The following ARL15 variants were observed in gnomAD, a reference collection of about 807,000 sequenced individuals.
The protein encoded by ARL15 is ADP-ribosylation factor-like protein 15.
In ARL15, 19 loss-of-function variants were observed where a neutral mutation model predicts 25.2. The ratio of observed to expected loss-of-function variants is 0.75; its 90% CI spans 0.53 to 1.10. ARL15 has a LOEUF of 1.10. Among genes scored for constraint, ARL15 ranks in the 50% least tolerant of loss-of-function variants. The pLI is 0.00. For missense variants in ARL15, 220 were observed against 246.0 expected, an observed-to-expected ratio of 0.89 and a Z score of 0.71; for synonymous variants, 94 against 86.8, an observed-to-expected ratio of 1.08 and a Z score of -0.46.
chr5:54,162,123 G>C (rs894788832), intron 2 of ARL15, among the ~76,000 whole-genome samples: 18 of 152,004 alleles, frequency 1.2e-4, no homozygotes, highest in Non-Finnish European at 2.5e-4. Context: ...CTCCAGCACT[G>C]AACAGTTGTG....
chr5:53,933,220 A>T, intron 4 of ARL15, among the ~76,000 whole-genome samples: 1 of 152,158 alleles, frequency 6.6e-6, no homozygotes, highest in Non-Finnish European at 1.5e-5. Context: ...GTATAGGTAG[A>T]ATTACTCTCT....
intron 4 of ARL15, among the ~76,000 whole-genome samples, chr5:54,068,960 C>A (rs556163135): frequency 2.0e-5 from 3 of 152,104 alleles, no homozygotes; most frequent in Non-Finnish European, 4.4e-5. Context: ...GTACCTAATA[C>A]GATACACATG....
At chr5:54,101,914 A>G (rs1752449012) in intron 4 of ARL15, among the ~76,000 whole-genome samples, 1 of 152,162 alleles carries the variant, frequency 6.6e-6, no homozygotes, top group African/African-American at 2.4e-5. Flanking sequence ...TTCCATATTC[A>G]TGGCTGTCTA....
chr5:54,276,270 G>A (rs1757927619), intron 1 of ARL15, among the ~76,000 whole-genome samples: 1 of 152,092 alleles, frequency 6.6e-6, no homozygotes, highest in Non-Finnish European at 1.5e-5. Context: ...CCACACAGTT[G>A]ACAATAAATG....
intron 4 of ARL15, among the ~76,000 whole-genome samples, chr5:53,958,737 A>G (rs1395559484): frequency 1.3e-5 from 2 of 152,202 alleles, no homozygotes; most frequent in African/African-American, 4.8e-5. Context: ...TATTGTATGC[A>G]CATAGTGACC....
chr5:53,952,219 G>A (rs184401419), intron 4 of ARL15, among the ~76,000 whole-genome samples: 139 of 152,196 alleles, frequency 9.1e-4, no homozygotes, highest in African/African-American at 3.1e-3. Flanking sequence ...TTGAGATCAC[G>A]CCACTGCACT....
chr5:54,254,952 T>C (rs1757326558), intron 1 of ARL15, among the ~76,000 whole-genome samples: 1 of 152,220 alleles, frequency 6.6e-6, no homozygotes, highest in African/African-American at 2.4e-5. Context: ...CTCCGTGCTG[T>C]GCTTTCAAAT....
chr5:53,972,109 A>G (rs1747772831), intron 4 of ARL15, among the ~76,000 whole-genome samples: 1 of 152,176 alleles, frequency 6.6e-6, no homozygotes, highest in South Asian at 2.1e-4. Flanking sequence ...TATTCTCTCA[A>G]CTTTTGTAAA....
intron 4 of ARL15, among the ~76,000 whole-genome samples, chr5:54,111,401 C>A: frequency 6.6e-6 from 1 of 151,982 alleles, no homozygotes; most frequent in East Asian, 1.9e-4. Context: ...GGAAAGACAG[C>A]CAGTCAACAC....
chr5:54,124,411 G>A (rs1211132328), intron 3 of ARL15, among the ~76,000 whole-genome samples: 1 of 151,994 alleles, frequency 6.6e-6, no homozygotes, highest in Non-Finnish European at 1.5e-5. Flanking sequence ...GCTTGCTGCT[G>A]TTCTGAATAT....
chr5:54,034,200 T>C (rs569308933), intron 4 of ARL15, among the ~76,000 whole-genome samples: 2 of 152,354 alleles, frequency 1.3e-5, no homozygotes, highest in South Asian at 4.1e-4. Flanking sequence ...TGCTTAAGCA[T>C]TAAGACGTTC....
intron 1 of ARL15, among the ~76,000 whole-genome samples, chr5:54,256,593 CA>C (rs1230741147): frequency 8.0e-6 from 1 of 125,450 alleles, no homozygotes; most frequent in Non-Finnish European, 1.7e-5. Flanking sequence ...ACCCTGATAG[CA>C]AAAGCATGAA....
At chr5:53,983,787 C>T (rs576652909) in intron 4 of ARL15, among the ~76,000 whole-genome samples, 44 of 152,272 alleles carry the variant, frequency 2.9e-4, no homozygotes, top group African/African-American at 9.9e-4. Flanking sequence ...GGTAATCTCA[C>T]GCAGTCCTCT....
chr5:53,922,028 T>C (rs1408647628), intron 4 of ARL15, among the ~76,000 whole-genome samples: 1 of 152,198 alleles, frequency 6.6e-6, no homozygotes, highest in Non-Finnish European at 1.5e-5. Flanking sequence ...AGTGACAAGG[T>C]ATATCCATCA....
At position 54,237,807 on chromosome 5, in the gene ARL15, G is replaced by A. The variant is rs543764925; in HGVS notation, c.49-65879C>T. On this transcript the variant is annotated intron_variant, in intron 1 of 4. Transcript: ENST00000504924. ...AATTTTTTAGCCAAAAATGATCACT[G>A]TCGTATCTACGGTTAATGTAGCATG... Among the ~76,000 whole-genome samples, 7 of 152,256 alleles carry A rather than the reference G, an allele frequency of 4.6e-5. No individual in the cohort carries two copies. The East Asian group carries it at 1.4e-3, about 29-fold the overall frequency.
At chr5:54,253,930 C>A (rs1213455521) in intron 1 of ARL15, among the ~76,000 whole-genome samples, 1 of 152,162 alleles carries the variant, frequency 6.6e-6, no homozygotes, top group Non-Finnish European at 1.5e-5. Context: ...GTTAAGAAAC[C>A]AGTGAGATTA....
intron 4 of ARL15, among the ~76,000 whole-genome samples, chr5:53,957,010 G>A (rs556182869): frequency 6.6e-6 from 1 of 151,570 alleles, no homozygotes; most frequent in East Asian, 1.9e-4. Flanking sequence ...GCCCAGAAGA[G>A]AAGAGAAAGA....
At chr5:54,186,244 C>T (rs1755234237) in intron 1 of ARL15, among the ~76,000 whole-genome samples, 1 of 152,278 alleles carries the variant, frequency 6.6e-6, no homozygotes, top group Non-Finnish European at 1.5e-5. Flanking sequence ...TATGGTCTAG[C>T]GCGGAGAAGC....
chr5:54,029,164 G>A (rs1044186478), intron 4 of ARL15, among the ~76,000 whole-genome samples: 4 of 152,076 alleles, frequency 2.6e-5, no homozygotes, highest in African/African-American at 7.2e-5. Context: ...ATAACCTTGG[G>A]CAACTTCCTT....
Sources: allele counts gnomAD v4.1 joint callset (sites outside exome capture counted in the v4.1 genomes callset), GRCh38; gene constraint gnomAD v4.1.1; transcripts MANE v1.5; gene names NCBI Gene and HGNC (gene_info 2026-07-23, HGNC 2026-07-21).